Variants in ERI3 observed in about 807,000 individuals in gnomAD.
ERI3 encodes the protein ERI1 exoribonuclease 3.
ERI3 carries 18 observed loss-of-function variants against 44.4 expected under a neutral mutation model. The ratio of observed to expected loss-of-function variants is 0.41; its 90% confidence interval spans 0.28 to 0.60. The LOEUF is 0.60. Ranked by LOEUF, ERI3 falls within the 20% of genes least tolerant of loss-of-function variation. The pLI is 0.36. For synonymous variants in ERI3, 183 were observed against 164.8 expected, an observed-to-expected ratio of 1.11 and a Z score of -0.84; for missense variants, 294 against 435.5, an observed-to-expected ratio of 0.68 and a Z score of 2.89.
At position 44,324,607 on chromosome 1, in the gene ERI3, G is replaced by A. The variant is rs553809684; in HGVS notation, c.490-4863C>T. Among the ~76,000 whole-genome samples the A allele has an allele frequency of 6.9e-5, 10 of 144,720 alleles. No homozygotes were observed. In the South Asian group the frequency reaches 2.1e-3, roughly 30 times the overall value. The allele number at this position is 144,720 out of a possible 152,430, so 94.9% of individuals were successfully genotyped here. On this transcript the variant is annotated intron_variant, in intron 3 of 8. Coordinates refer to ENST00000372257, the MANE Select transcript of ERI3 (RefSeq NM_024066.3). ...CGCCATTCTCCTGCCTCAGCCTCCC[G>A]AGTAGCTGGGACTACAGGAGCCCGC...
In ERI3 at chr1:44,284,709, G is replaced by C. The variant is rs1002596285; in HGVS notation, c.831+126C>G. 8.3e-6 allele frequency: 6 copies of C among 722,622 alleles called. No individual in the cohort carries two copies. The East Asian group carries it at 1.6e-4, about 19-fold the overall frequency. The allele number at this position is 722,622 out of a possible 1,614,324, so 44.8% of individuals were successfully genotyped here. Reference sequence around the variant, plus strand: ...CATATTAGCTAAGGAAAAGGATGAAGTTAAGAAAAGAGAAGAACAAAAAGA... The same window carrying C: ...CATATTAGCTAAGGAAAAGGATGAACTTAAGAAAAGAGAAGAACAAAAAGA... On this transcript the variant is annotated intron_variant, in intron 7 of 8. Transcript: ENST00000372257.
intron 7 of ERI3, among the ~76,000 whole-genome samples, chr1:44,263,862 A>AGAAT (rs1377063944): frequency 1.3e-5 from 2 of 152,234 alleles, no homozygotes; most frequent in Non-Finnish European, 2.9e-5. Context: ...CAGGCATTCA[A>AGAAT]GTCTGAGGAA....
rs372581862 is a variant in ERI3 at position 44,300,696 on chromosome 1, A to C, written c.758+7614T>G. Among the ~76,000 whole-genome samples, 62 of 152,298 alleles carry C rather than the reference A, an allele frequency of 4.1e-4. 1 individual carries two copies. In the East Asian group the frequency reaches 6.9e-3, roughly 17 times the overall value. On this transcript the variant is annotated intron_variant, in intron 6 of 8. Coordinates refer to ENST00000372257, the MANE Select transcript of ERI3 (RefSeq NM_024066.3). The stretch of plus-strand genomic sequence containing the variant: ...TTAATCCCCAGCCAAGCCCACCATC[A>C]GGAGCCCCTTTAGTGCCAGTTCTGG...
chr1:44,325,732 G>A (rs1646299738), intron 3 of ERI3, among the ~76,000 whole-genome samples: 2 of 152,030 alleles, frequency 1.3e-5, no homozygotes, highest in South Asian at 4.1e-4. Context: ...CATGATCTCG[G>A]CTCACTGCAA....
intron 6 of ERI3, among the ~76,000 whole-genome samples, chr1:44,299,974 C>T (rs12058010): frequency 0.063 from 9,534 of 152,162 alleles, 371 homozygotes; most frequent in Middle Eastern, 0.17. Context: ...AGGCAGAGAC[C>T]GGCTGAGTTA....
intron 7 of ERI3, among the ~76,000 whole-genome samples, chr1:44,253,478 C>A (rs185339803): frequency 6.6e-6 from 1 of 152,166 alleles, no homozygotes; most frequent in Non-Finnish European, 1.5e-5. Flanking sequence ...CCCAGGGAAC[C>A]CTTTTCCAGG....
At chr1:44,315,204 G>T (rs944656529) in intron 4 of ERI3, among the ~76,000 whole-genome samples, 2 of 152,192 alleles carry the variant, frequency 1.3e-5, no homozygotes, top group African/African-American at 2.4e-5. Flanking sequence ...AGTTTCAGGC[G>T]GCAAGGTTAG....
chr1:44,306,701 C>T (rs1268624671), intron 6 of ERI3, among the ~76,000 whole-genome samples: 1 of 152,212 alleles, frequency 6.6e-6, no homozygotes, highest in Admixed American at 6.5e-5. Flanking sequence ...ACGCATCGTG[C>T]ACAGTTAAAG....
intron 6 of ERI3, among the ~76,000 whole-genome samples, chr1:44,303,178 C>T (rs1645761942): frequency 6.6e-6 from 1 of 152,226 alleles, no homozygotes; most frequent in South Asian, 2.1e-4. Flanking sequence ...CTGGCCTAAG[C>T]CTGTGGGCTA....
chr1:44,310,961 GCGCACACACACACACACACACACACACA>G (rs1304777713), intron 5 of ERI3, among the ~76,000 whole-genome samples: 1 of 84,668 alleles, frequency 1.2e-5, no homozygotes, highest in Non-Finnish European at 2.4e-5. Context: ...TCGCGCGCGC[GCGCACACACACACACACACACACACACA>G]CACACACACA....
At chr1:44,259,693 C>CAG (rs1553185539) in intron 7 of ERI3, among the ~76,000 whole-genome samples, 3 of 84,918 alleles carry the variant, frequency 3.5e-5, no homozygotes, top group Non-Finnish European at 8.2e-5. Context: ...CACACAGACA[C>CAG]ACACACACAC....
intron 7 of ERI3, among the ~76,000 whole-genome samples, chr1:44,271,248 A>C (rs1645081847): frequency 6.6e-6 from 1 of 152,212 alleles, no homozygotes; most frequent in Non-Finnish European, 1.5e-5. Flanking sequence ...TGGCTGGTCC[A>C]CATGAGTAGC....
intron 7 of ERI3, among the ~76,000 whole-genome samples, chr1:44,255,810 C>T (rs886180832): frequency 2.0e-5 from 3 of 152,198 alleles, no homozygotes; most frequent in Admixed American, 6.5e-5. Flanking sequence ...CTCTTCCTTA[C>T]TGCCCACCAA....
chr1:44,336,293 A>C (rs1220337558), intron 3 of ERI3, among the ~76,000 whole-genome samples: 2 of 152,276 alleles, frequency 1.3e-5, no homozygotes, highest in East Asian at 3.9e-4. Context: ...TCTGAATCCC[A>C]TCAGGATCCT....
chr1:44,293,993 T>C (rs1456247454), intron 6 of ERI3, among the ~76,000 whole-genome samples: 1 of 152,196 alleles, frequency 6.6e-6, no homozygotes, highest in Non-Finnish European at 1.5e-5. Context: ...TCTCCACAGC[T>C]CACAGGACAT....
At chr1:44,353,192 G>A (rs1646932492) in intron 1 of ERI3, 1 of 985,144 alleles carries the variant, frequency 1.0e-6, no homozygotes, top group African/African-American at 1.7e-5. Flanking sequence ...GCTATGAAGT[G>A]GTGCCTCTGG....
intron 6 of ERI3, among the ~76,000 whole-genome samples, chr1:44,307,873 T>C (rs1645873171): frequency 6.6e-6 from 1 of 152,236 alleles, no homozygotes; most frequent in Non-Finnish European, 1.5e-5. Context: ...ACTTAACCTT[T>C]CTGTACCTTT....
chr1:44,326,304 C>G (rs1295335656), intron 3 of ERI3, among the ~76,000 whole-genome samples: 3 of 152,092 alleles, frequency 2.0e-5, no homozygotes, highest in South Asian at 2.1e-4. Flanking sequence ...GCCCTTTCTC[C>G]AAGGATCAAG....
At position 44,283,384 on chromosome 1, in the gene ERI3, G is replaced by A. The variant is rs116743039; in HGVS notation, c.831+1451C>T. Among the ~76,000 whole-genome samples the A allele has an allele frequency of 2.0e-3, 311 of 152,306 alleles. 2 individuals carry two copies. Among genetic ancestry groups the A allele is most frequent in the African/African-American group, 7.2e-3 (300 of 41,562 alleles). ...AATACACATGGATTCAGTTTCAACT[G>A]AGATAAGTGATTTCCCAAGTGCCAA... On this transcript the variant is annotated intron_variant, in intron 7 of 8. Coordinates refer to ENST00000372257, the MANE Select transcript of ERI3 (RefSeq NM_024066.3).
Sources: allele counts gnomAD v4.1 joint callset (sites outside exome capture counted in the v4.1 genomes callset), GRCh38; gene constraint gnomAD v4.1.1; transcripts MANE v1.5; gene names NCBI Gene and HGNC (gene_info 2026-07-23, HGNC 2026-07-21).